The following MARCHF7 variants were observed in gnomAD, a reference collection of about 807,000 sequenced individuals.
MARCHF7 encodes the protein membrane associated ring-CH-type finger 7, also known as E3 ubiquitin-protein ligase MARCHF7.
A neutral mutation model predicts 76.5 loss-of-function variants in MARCHF7; 20 were observed. The ratio of observed to expected loss-of-function variants is 0.26; its 90% CI spans 0.18 to 0.38. MARCHF7 has a LOEUF of 0.38. Among genes scored for constraint, MARCHF7 ranks in the 10% least tolerant of loss-of-function variants. The pLI, the probability that MARCHF7 is intolerant of heterozygous loss-of-function variation, is 1.00. For synonymous variants in MARCHF7, 295 were observed against 293.0 expected, an observed-to-expected ratio of 1.01 and a Z score of -0.07; for missense variants, 797 against 812.9, an observed-to-expected ratio of 0.98 and a Z score of 0.24.
intron 4 of MARCHF7, among the ~76,000 whole-genome samples, chr2:159,731,708 C>T (rs1008993653): frequency 2.6e-5 from 4 of 151,132 alleles, no homozygotes; most frequent in Non-Finnish European, 5.9e-5. Flanking sequence ...GAGCCAAGAT[C>T]GCGCCATTGC....
intron 3 of MARCHF7, among the ~76,000 whole-genome samples, chr2:159,727,980 A>G (rs1362149182): frequency 1.3e-5 from 2 of 152,246 alleles, no homozygotes; most frequent in Non-Finnish European, 2.9e-5. Context: ...TTTTTTTCTT[A>G]GAAGTTTTAT....
chr2:159,742,932 G>T, intron 4 of MARCHF7, 129 bp from the exon 5 acceptor site: 1 of 784,600 alleles, frequency 1.3e-6, no homozygotes, highest in Non-Finnish European at 2.0e-6. Context: ...GCAAGACTCA[G>T]TCTCAAAAAA....
intron 3 of MARCHF7, among the ~76,000 whole-genome samples, chr2:159,727,623 T>C (rs544118372): frequency 2.6e-5 from 4 of 152,280 alleles, no homozygotes; most frequent in African/African-American, 9.6e-5. Flanking sequence ...AGTAGTAACG[T>C]GCTTATAGTA....
At chr2:159,764,988 A>G (rs1707593562) in intron 11 of MARCHF7, among the ~76,000 whole-genome samples, 1 of 152,136 alleles carries the variant, frequency 6.6e-6, no homozygotes, top group Admixed American at 6.6e-5. Context: ...CTACTAATCA[A>G]ACCAACATTT....
At chr2:159,751,610 T>G (rs1705655386) in intron 7 of MARCHF7, among the ~76,000 whole-genome samples, 1 of 152,232 alleles carries the variant, frequency 6.6e-6, no homozygotes, top group African/African-American at 2.4e-5. Context: ...CCAGGTTGTA[T>G]TTCAGTAACA....
chr2:159,753,056 G>C (rs907457136), intron 8 of MARCHF7, among the ~76,000 whole-genome samples: 3 of 152,194 alleles, frequency 2.0e-5, no homozygotes, highest in African/African-American at 7.2e-5. Flanking sequence ...CAAGGCACCT[G>C]CTTCTTGTAG....
At chr2:159,742,695 C>T (rs1293007173) in intron 4 of MARCHF7, among the ~76,000 whole-genome samples, 3 of 152,100 alleles carry the variant, frequency 2.0e-5, no homozygotes, top group African/African-American at 7.2e-5. Flanking sequence ...TGCCTGTAAT[C>T]CCAGCGGCCG....
intron 4 of MARCHF7, among the ~76,000 whole-genome samples, chr2:159,741,404 GTTGT>G (rs1366825118): frequency 5.3e-5 from 8 of 152,044 alleles, no homozygotes; most frequent in Non-Finnish European, 5.9e-5. Context: ...GTCTTTTTGT[GTTGT>G]TTATTTGTAA....
intron 10 of MARCHF7, among the ~76,000 whole-genome samples, chr2:159,764,212 T>TTGTGTGTGTGTGTG (rs377705664): frequency 2.7e-4 from 37 of 138,638 alleles, no homozygotes; most frequent in African/African-American, 9.0e-4. Context: ...CTTGGGAGTT[T>TTGTGTGTGTGTGTG]TGTGTGTGTG....
chr2:159,728,917 A>AT (rs1359993758), intron 3 of MARCHF7, 92 bp from the exon 4 acceptor site: 3 of 704,974 alleles, frequency 4.3e-6, no homozygotes, highest in African/African-American at 3.7e-5. Context: ...TGTATGGTTA[A>AT]TTTTTTATTT....
intron 4 of MARCHF7, chr2:159,733,392 C>A: frequency 2.1e-6 from 1 of 487,362 alleles, no homozygotes; most frequent in Non-Finnish European, 2.7e-6. Context: ...GTGTGCACAC[C>A]ACACTGCACT....
In MARCHF7 at chr2:159,769,925, A is replaced by G. The variant is rs767462472; in HGVS notation, c.*2583A>G. On this transcript the variant is annotated 3_prime_UTR_variant, in exon 12 of 12. Transcript: ENST00000409175. Reference sequence around the variant, plus strand: ...CCACCTGTGATTTGAACACTTGACAATGTGGCTAATGTAATTCGAAAACTG... The same window carrying G: ...CCACCTGTGATTTGAACACTTGACAGTGTGGCTAATGTAATTCGAAAACTG... The G allele has an allele frequency of 3.9e-5, 6 of 152,204 alleles. No individual in the cohort carries two copies. Among genetic ancestry groups the G allele is most frequent in the Admixed American group, 1.3e-4 (2 of 15,276 alleles). The allele number at this position is 152,204 out of a possible 1,614,324, so 9.4% of individuals were successfully genotyped here. A position where few individuals can be genotyped will look rare whatever the true frequency, so the allele number is the denominator to read the frequency against.
intron 6 of MARCHF7, 55 bp downstream of exon 6, chr2:159,745,992 A>G (rs769871147): frequency 4.2e-5 from 60 of 1,438,286 alleles, no homozygotes; most frequent in Non-Finnish European, 5.5e-5. Context: ...TTTCCTCTTT[A>G]TGCATGTTAC....
In MARCHF7 at chr2:159,729,114, G is replaced by A. The variant is rs779238041; in HGVS notation, c.92G>A (p.Ser31Asn). 3.7e-6 allele frequency: 6 copies of A among 1,611,150 alleles called. No individual in the cohort carries two copies. The highest frequency in any genetic ancestry group is 5.1e-6 in the Non-Finnish European group (6 of 1,178,868). Residue 31 changes from serine to asparagine, a missense_variant, in exon 4 of 12, where the codon AGT becomes AAT. This residue lies in a region of MARCHF7 where 643 missense variants were observed against 631.5 expected (regional missense o/e 1.02). Coordinates refer to ENST00000409175, the MANE Select transcript of MARCHF7 (RefSeq NM_001282805.2). ...AGGATGATGTCTGGAAGCAGAGGAA[G>A]TAGTTTAAATGATACCTATCACTCA... ...SARMMSGSRG[S>N]SLNDTYHSRD...
intron 11 of MARCHF7, among the ~76,000 whole-genome samples, chr2:159,765,840 GTA>G (rs1212226711): frequency 1.3e-5 from 2 of 152,082 alleles, no homozygotes; most frequent in Non-Finnish European, 2.9e-5. Flanking sequence ...AATTCACTTG[GTA>G]TAAAATTTTT....
intron 7 of MARCHF7, among the ~76,000 whole-genome samples, chr2:159,751,641 A>G (rs1232248406): frequency 6.6e-6 from 1 of 152,200 alleles, no homozygotes; most frequent in Non-Finnish European, 1.5e-5. Context: ...CTGTATTACC[A>G]ATTTACTGTA....
intron 4 of MARCHF7, among the ~76,000 whole-genome samples, chr2:159,737,553 A>G (rs1054282483): frequency 6.6e-6 from 1 of 152,212 alleles, no homozygotes; most frequent in African/African-American, 2.4e-5. Context: ...TTGGGAGGCC[A>G]AATCTGGGAG....
At position 159,767,496 on chromosome 2, in the gene MARCHF7, T is replaced by G. The variant is rs929566451; in HGVS notation, c.*154T>G. On this transcript the variant is annotated 3_prime_UTR_variant, in exon 12 of 12. Transcript: ENST00000409175. ...ACACATGTATGCCTGTATATATATA[T>G]TCATTCTCCAGTGTTGCTGAATTAA... 9 of 486,922 alleles carry G rather than the reference T, an allele frequency of 1.8e-5. No individual in the cohort carries two copies. Among genetic ancestry groups the G allele is most frequent in the Non-Finnish European group, 3.2e-5 (9 of 278,632 alleles). 30.2% of individuals were successfully genotyped at this position (486,922 alleles called of 1,614,324 possible). A position where few individuals can be genotyped will look rare whatever the true frequency, so the allele number is the denominator to read the frequency against.
chr2:159,760,991 C>T (rs1706982597), intron 9 of MARCHF7, among the ~76,000 whole-genome samples: 1 of 151,464 alleles, frequency 6.6e-6, no homozygotes, highest in Admixed American at 6.6e-5. Flanking sequence ...CCACATTAAC[C>T]AGTGGCTTGA....
Sources: gnomAD v4.1 joint callset for allele counts (sites outside exome capture counted in the v4.1 genomes callset) on GRCh38, gnomAD v4.1.1 for gene constraint, gnomAD v4.1.1 regional missense constraint, MANE v1.5 for transcripts, NCBI Gene and HGNC (gene_info 2026-07-23, HGNC 2026-07-21) for gene names.